Variants in ACTR3C observed in about 807,000 individuals in gnomAD.
The protein encoded by ACTR3C is actin related protein 3C, also known as actin-related protein 3C.
A neutral mutation model predicts 26.3 loss-of-function variants in ACTR3C; 18 were observed. That is an observed-to-expected ratio of 0.68 (90% CI 0.47 to 1.01). ACTR3C has a LOEUF of 1.01. Among genes scored for constraint, ACTR3C ranks in the 50% least tolerant of loss-of-function variants. ACTR3C has a pLI of 0.00. For missense variants in ACTR3C, 184 were observed against 250.7 expected (o/e 0.73, Z 1.80); for synonymous variants, 55 against 94.5 (o/e 0.58, Z 2.42).
At chr7:150,180,121 C>T in the ACTR3C span, among the ~76,000 whole-genome samples, 3 of 150,740 alleles carry the variant, frequency 2.0e-5, no homozygotes, top group East Asian at 1.9e-4. Flanking sequence ...CTGGCTAACA[C>T]GGTGAAACCC....
the ACTR3C span, among the ~76,000 whole-genome samples, chr7:150,014,812 G>A: frequency 6.6e-6 from 1 of 152,094 alleles, no homozygotes; most frequent in Non-Finnish European, 1.5e-5. Context: ...AAATGATTGT[G>A]TTGTTGAAAT....
At chr7:150,313,975 G>A (rs527375643) in intron 1 of ACTR3C, among the ~76,000 whole-genome samples, 1 of 152,324 alleles carries the variant, frequency 6.6e-6, no homozygotes, top group Middle Eastern at 3.4e-3. Context: ...TGAACAACTC[G>A]AGGCAGAGGC....
At chr7:150,290,170 C>T (rs1584939812) in intron 3 of ACTR3C, among the ~76,000 whole-genome samples, 1 of 151,962 alleles carries the variant, frequency 6.6e-6, no homozygotes, top group Non-Finnish European at 1.5e-5. Context: ...GATGAAACTG[C>T]GTGTGTCGAG....
the ACTR3C span, among the ~76,000 whole-genome samples, chr7:150,144,287 T>C: frequency 2.0e-5 from 3 of 152,204 alleles, no homozygotes; most frequent in African/African-American, 7.2e-5. The surrounding 1 kb of genome is among the most constrained non-coding windows in gnomAD (Gnocchi z 4.6). Flanking sequence ...GTTAAAGATA[T>C]ATTTTAACTC....
chr7:150,317,825 T>C (rs1797094640), intron 1 of ACTR3C, among the ~76,000 whole-genome samples: 1 of 151,728 alleles, frequency 6.6e-6, no homozygotes, highest in Non-Finnish European at 1.5e-5. Context: ...GCTGAGGAAA[T>C]GGATTATGAC....
the ACTR3C span, among the ~76,000 whole-genome samples, chr7:150,142,690 A>G: frequency 1.3e-5 from 2 of 150,566 alleles, no homozygotes; most frequent in South Asian, 4.2e-4. Context: ...CACCACACCC[A>G]GCTAAGTTTT....
the ACTR3C span, among the ~76,000 whole-genome samples, chr7:150,159,539 A>T: frequency 6.6e-6 from 1 of 152,094 alleles, no homozygotes; most frequent in Admixed American, 6.5e-5. Context: ...TCCAGATTGG[A>T]ACCCATGCTC....
the ACTR3C span, among the ~76,000 whole-genome samples, chr7:149,978,096 G>C: frequency 6.6e-6 from 1 of 151,820 alleles, no homozygotes; most frequent in African/African-American, 2.4e-5. Context: ...CTGTGTGGAA[G>C]AGTTTTGCCT....
At chr7:150,202,305 A>G in the ACTR3C span, among the ~76,000 whole-genome samples, 1 of 152,004 alleles carries the variant, frequency 6.6e-6, no homozygotes, top group East Asian at 1.9e-4. Flanking sequence ...CAGGAAATAT[A>G]TTTCGGTTTT....
chr7:150,131,183 GA>G, the ACTR3C span, among the ~76,000 whole-genome samples: 6 of 152,072 alleles, frequency 3.9e-5, no homozygotes, highest in African/African-American at 1.4e-4. Flanking sequence ...GAAAGAGAGG[GA>G]GAGCAGTAGA....
chr7:150,047,698 G>T, the ACTR3C span: 1 of 1,110,470 alleles, frequency 9.0e-7, no homozygotes, highest in Non-Finnish European at 1.1e-6. Context: ...CGCTCCCGGG[G>T]CGCCGCCGCC....
At chr7:149,971,731 C>T in the ACTR3C span, among the ~76,000 whole-genome samples, 1 of 152,180 alleles carries the variant, frequency 6.6e-6, no homozygotes, top group Non-Finnish European at 1.5e-5. Flanking sequence ...TGTCATGTCT[C>T]CCTCGTCTCC....
At chr7:149,889,424 A>G in the ACTR3C span, among the ~76,000 whole-genome samples, 3 of 152,250 alleles carry the variant, frequency 2.0e-5, no homozygotes, top group Non-Finnish European at 4.4e-5. Context: ...GATTATATAA[A>G]CAACACTGAC....
chr7:150,037,972 G>A, the ACTR3C span, among the ~76,000 whole-genome samples: 3 of 140,376 alleles, frequency 2.1e-5, 1 homozygote, highest in African/African-American at 5.4e-5. Context: ...GGGAGGAAAG[G>A]GGGAGGTTCG....
chr7:149,999,860 C>G, the ACTR3C span, among the ~76,000 whole-genome samples: 3,771 of 152,076 alleles, frequency 0.025, 158 homozygotes, highest in African/African-American at 0.086. Flanking sequence ...CTTGAGCCAG[C>G]CTTGCTACAC....
the ACTR3C span, among the ~76,000 whole-genome samples, chr7:150,111,132 C>T: frequency 6.9e-6 from 1 of 145,204 alleles, no homozygotes; most frequent in Non-Finnish European, 1.5e-5. Context: ...TGTTCTCCAT[C>T]CCCAGACTCT....
the ACTR3C span, among the ~76,000 whole-genome samples, chr7:149,906,429 T>G: frequency 0.014 from 1,070 of 75,962 alleles, 30 homozygotes; most frequent in African/African-American, 0.037. Context: ...TTTTTTTTTT[T>G]TTTTTTTTTT....
At chr7:150,056,310 A>T in the ACTR3C span, among the ~76,000 whole-genome samples, 105 of 152,310 alleles carry the variant, frequency 6.9e-4, no homozygotes, top group African/African-American at 2.2e-3. Context: ...GGTTCTCATT[A>T]ATGAAAACAA....
chr7:150,188,379 T>C, the ACTR3C span, among the ~76,000 whole-genome samples: 1 of 151,496 alleles, frequency 6.6e-6, no homozygotes, highest in African/African-American at 2.4e-5. Context: ...AGACTTCAGT[T>C]GTTTCATTTG....
Sources: allele counts gnomAD v4.1 joint callset (sites outside exome capture counted in the v4.1 genomes callset), GRCh38; gene constraint gnomAD v4.1.1; non-coding constraint Gnocchi (gnomAD v3.1); transcripts MANE v1.5; gene names NCBI Gene and HGNC (gene_info 2026-07-23, HGNC 2026-07-21).